The following MSMB variants were observed in gnomAD, a reference collection of about 807,000 sequenced individuals.
The protein encoded by MSMB is microseminoprotein beta, also known as beta-microseminoprotein.
In MSMB, 10 loss-of-function variants were observed where a neutral mutation model predicts 10.5. The observed-to-expected ratio is 0.95, with a 90% CI of 0.59 to 1.62. The LOEUF is 1.62. MSMB is among the 40% of genes most tolerant of loss of function. The pLI, the probability that MSMB is intolerant of heterozygous loss-of-function variation, is 0.00. For synonymous variants in MSMB, 43 were observed against 46.5 expected, an observed-to-expected ratio of 0.93 and a Z score of 0.30; for missense variants, 126 against 137.4, an observed-to-expected ratio of 0.92 and a Z score of 0.42.
At chr10:46,044,575 G>GAAAAAAAA (rs56061175) in intron 1 of MSMB, among the ~76,000 whole-genome samples, 1,586 of 38,498 alleles carry the variant, frequency 0.041, 239 homozygotes, top group Non-Finnish European at 0.061. Flanking sequence ...CTCCGTCTCA[G>GAAAAAAAA]AAAAAAAAAA....
intron 3 of MSMB, among the ~76,000 whole-genome samples, chr10:46,034,869 G>A (rs1840565025): frequency 6.6e-6 from 1 of 151,692 alleles, no homozygotes; most frequent in East Asian, 1.9e-4. Flanking sequence ...GCCCAGGCAT[G>A]GTGGCACATG....
At chr10:46,040,186 C>A in intron 1 of MSMB, 95 bp from the exon 2 acceptor site, 1 of 1,018,978 alleles carries the variant, frequency 9.8e-7, no homozygotes, top group Non-Finnish European at 1.5e-6. Flanking sequence ...CTGGGCTCTG[C>A]TGAGAGGTTA....
intron 1 of MSMB, 96 bp from the exon 2 acceptor site, chr10:46,040,187 T>A: frequency 3.1e-6 from 3 of 968,412 alleles, no homozygotes; most frequent in Admixed American, 2.3e-5. Flanking sequence ...TGGGCTCTGC[T>A]GAGAGGTTAT....
chr10:46,039,166 C>T (rs1475792159), intron 2 of MSMB, 95 bp from the exon 3 acceptor site: 1 of 1,030,498 alleles, frequency 9.7e-7, no homozygotes, highest in Non-Finnish European at 1.5e-6. Context: ...CTACACCCCT[C>T]CCAGAGAGAG....
At chr10:46,036,141 G>A (rs902590029) in intron 3 of MSMB, among the ~76,000 whole-genome samples, 10 of 152,036 alleles carry the variant, frequency 6.6e-5, no homozygotes, top group South Asian at 2.1e-4. Context: ...CCCTGGGCCC[G>A]GGCAGCGTGG....
chr10:46,042,177 G>A (rs1394319698), intron 1 of MSMB, among the ~76,000 whole-genome samples: 1 of 152,082 alleles, frequency 6.6e-6, no homozygotes, highest in Admixed American at 6.6e-5. Flanking sequence ...GAACATAACT[G>A]AAATTAGAAA....
chr10:46,038,935 C>G (rs1554927967), intron 3 of MSMB, 31 bp downstream of exon 3: 3 of 1,577,286 alleles, frequency 1.9e-6, no homozygotes, highest in Non-Finnish European at 2.6e-6. Context: ...AGCTATGTCC[C>G]CCTCTTGGCC....
At chr10:46,036,881 C>T (rs1840620328) in intron 3 of MSMB, among the ~76,000 whole-genome samples, 1 of 152,218 alleles carries the variant, frequency 6.6e-6, no homozygotes, top group Non-Finnish European at 1.5e-5. Flanking sequence ...CAGTCCTTCA[C>T]CTGGCTGGGA....
chr10:46,043,391 T>C (rs979990215), intron 1 of MSMB, among the ~76,000 whole-genome samples: 2 of 151,874 alleles, frequency 1.3e-5, no homozygotes, highest in Non-Finnish European at 2.9e-5. Context: ...AATAGCCTAA[T>C]GCTGTCTCTC....
intron 1 of MSMB, among the ~76,000 whole-genome samples, chr10:46,043,868 T>G (rs992736085): frequency 1.3e-5 from 2 of 152,052 alleles, no homozygotes; most frequent in African/African-American, 4.8e-5. Context: ...AGAGACGTAG[T>G]TTCATCATGT....
intron 3 of MSMB, among the ~76,000 whole-genome samples, chr10:46,038,357 G>A (rs71502417): frequency 1.3e-5 from 2 of 151,392 alleles, no homozygotes; most frequent in Admixed American, 6.6e-5. Context: ...GTGCGATCTC[G>A]GCTCACTGCA....
intron 3 of MSMB, 53 bp from the exon 4 acceptor site, chr10:46,033,604 C>T (rs201787722): frequency 1.8e-5 from 29 of 1,602,982 alleles, no homozygotes; most frequent in South Asian, 1.4e-4. Context: ...CCCCGAGCAC[C>T]CCCTCCCCAG....
chr10:46,042,279 T>G, intron 1 of MSMB, among the ~76,000 whole-genome samples: 1 of 152,046 alleles, frequency 6.6e-6, no homozygotes, highest in East Asian at 1.9e-4. Context: ...AAAGTGGCAT[T>G]TCACACACAG....
In MSMB at chr10:46,033,666, G is replaced by A; in HGVS notation, c.216-115C>T. The stretch of plus-strand genomic sequence containing the variant: ...ACACTCCAACTTAAGGGCACCCTTT[G>A]GCTGGCAGCCCCAGAGTGTGACCTC... On this transcript the variant is annotated intron_variant, in intron 3 of 3. Transcript: ENST00000582163. 8 of 1,480,894 alleles carry A rather than the reference G, an allele frequency of 5.4e-6. No homozygotes were observed. In the South Asian group the frequency reaches 1.0e-4, roughly 19 times the overall value. The allele number at this position is 1,480,894 out of a possible 1,614,324, so 91.7% of individuals were successfully genotyped here.
At chr10:46,042,533 TACA>T (rs1840777075) in intron 1 of MSMB, among the ~76,000 whole-genome samples, 1 of 152,216 alleles carries the variant, frequency 6.6e-6, no homozygotes, top group Non-Finnish European at 1.5e-5. Context: ...TAAAACCGTT[TACA>T]ACATTTGATT....
rs1428555210 is a variant in MSMB, at chr10:46,039,968, T to C, written c.109+18A>G. ...CAGGCTGCAATAACATAATAAACAT[T>C]GAAAAGCCAAGACTTACTCCTGGTT... On this transcript the variant is annotated intron_variant, in intron 2 of 3. Coordinates refer to ENST00000582163, the MANE Select transcript of MSMB (RefSeq NM_002443.4). 3.8e-6 allele frequency: 6 copies of C among 1,591,952 alleles called. No individual in the cohort carries two copies. The highest frequency in any genetic ancestry group is 1.7e-5 in the Admixed American group (1 of 59,872).
intron 1 of MSMB, among the ~76,000 whole-genome samples, chr10:46,045,871 A>T (rs1840885156): frequency 6.6e-6 from 1 of 152,154 alleles, no homozygotes; most frequent in Non-Finnish European, 1.5e-5. Flanking sequence ...TCCCCTCCCC[A>T]GGCTCAGTTC....
intron 3 of MSMB, among the ~76,000 whole-genome samples, chr10:46,038,145 G>A (rs529895629): frequency 6.6e-6 from 1 of 152,230 alleles, no homozygotes; most frequent in Admixed American, 6.5e-5. Flanking sequence ...CTGCTTAATG[G>A]GTATAGAGCT....
At chr10:46,040,743 AG>A (rs1840724101) in intron 1 of MSMB, among the ~76,000 whole-genome samples, 1 of 151,962 alleles carries the variant, frequency 6.6e-6, no homozygotes, top group African/African-American at 2.4e-5. Context: ...TCATGAGGTC[AG>A]GAGATCGAGA....
Sources: gnomAD v4.1 joint callset for allele counts (sites outside exome capture counted in the v4.1 genomes callset) on GRCh38, gnomAD v4.1.1 for gene constraint, MANE v1.5 for transcripts, NCBI Gene and HGNC (gene_info 2026-07-23, HGNC 2026-07-21) for gene names.